Variants in PRAG1 observed in about 807,000 individuals in gnomAD.
PRAG1 encodes the protein inactive tyrosine-protein kinase PRAG1.
PRAG1 carries 110 observed loss-of-function variants against 95.6 expected under a neutral mutation model. The observed-to-expected ratio is 1.15, with a 90% CI of 0.99 to 1.35. PRAG1 has a LOEUF of 1.35. Ranked by LOEUF, PRAG1 falls within the 40% of genes most tolerant of loss-of-function variation. The pLI is 0.00. For synonymous variants in PRAG1, 1,052 were observed against 819.4 expected (o/e 1.28, Z -4.85); for missense variants, 2,554 against 1,864.7 (o/e 1.37, Z -6.81).
rs1022913227 is a variant in PRAG1, at chr8:8,364,667, GT to G, written c.2162+11579del. Among the ~76,000 whole-genome samples the G allele has an allele frequency of 5.4e-4, 76 of 142,014 alleles. 1 individual carries two copies. The Middle Eastern group carries it at 0.024, about 46-fold the overall frequency. 93.2% of individuals were successfully genotyped at this position (142,014 alleles called of 152,430 possible). On this transcript the variant is annotated intron_variant, in intron 3 of 5. Transcript: ENST00000615670. ...CACTATATGGCAGGATTTCAATGTT[GT>G]TTTTTTTTTTGTTTTCTCCATACAG...
chr8:8,320,171 T>C (rs962461428), intron 5 of PRAG1, among the ~76,000 whole-genome samples: 12 of 152,026 alleles, frequency 7.9e-5, no homozygotes, highest in African/African-American at 1.9e-4. Flanking sequence ...AGAAGGCAAA[T>C]AGTGTTTATA....
At chr8:8,382,738 G>A (rs1380068661) in intron 1 of PRAG1, among the ~76,000 whole-genome samples, 1 of 152,170 alleles carries the variant, frequency 6.6e-6, no homozygotes, top group African/African-American at 2.4e-5. Context: ...CTGAGAAGGA[G>A]CTCAAAGAGT....
At chr8:8,362,767 C>T (rs552747225) in intron 3 of PRAG1, among the ~76,000 whole-genome samples, 13 of 152,334 alleles carry the variant, frequency 8.5e-5, no homozygotes, top group African/African-American at 2.6e-4. Context: ...ATATTTATCC[C>T]TTACATGTAA....
intron 3 of PRAG1, among the ~76,000 whole-genome samples, chr8:8,370,964 C>T (rs995076495): frequency 1.3e-5 from 2 of 151,978 alleles, no homozygotes; most frequent in African/African-American, 4.8e-5. Flanking sequence ...CACGGTGAAA[C>T]CCCATCTCTA....
intron 3 of PRAG1, among the ~76,000 whole-genome samples, chr8:8,342,985 C>T (rs1799221473): frequency 6.6e-6 from 1 of 151,946 alleles, no homozygotes; most frequent in East Asian, 1.9e-4. Flanking sequence ...TTGGAGTGGC[C>T]AACTCACATC....
At chr8:8,360,764 G>T (rs1799819293) in intron 3 of PRAG1, among the ~76,000 whole-genome samples, 2 of 152,132 alleles carry the variant, frequency 1.3e-5, no homozygotes, top group East Asian at 3.9e-4. Flanking sequence ...TTTTCTTGTT[G>T]TATGTTAAAT....
chr8:8,325,906 T>C (rs1372442232), intron 5 of PRAG1, among the ~76,000 whole-genome samples: 1 of 151,552 alleles, frequency 6.6e-6, no homozygotes, highest in Admixed American at 6.6e-5. Context: ...AGCGAGACTC[T>C]GTCTCTAAAT....
Position 8,381,847 on chromosome 8 carries a change from G to A in PRAG1, c.-87-13C>T, listed in dbSNP as rs1349908608. 6.5e-6 allele frequency: 6 copies of A among 919,412 alleles called. No homozygotes were observed. The African/African-American group carries it at 8.4e-5, about 13-fold the overall frequency. The allele number at this position is 919,412 out of a possible 1,614,324, so 57.0% of individuals were successfully genotyped here. ...ACAGAGCGGCTTCCTAGAAAGGCAGGACAGTTTCCTGATTAGAGATTTGCC... is the reference window on the plus strand; with the variant it reads ...ACAGAGCGGCTTCCTAGAAAGGCAGAACAGTTTCCTGATTAGAGATTTGCC... On this transcript the variant is annotated splice_polypyrimidine_tract_variant and intron_variant, in intron 1 of 5. Transcript: ENST00000615670.
chr8:8,381,544 G>C lies in PRAG1; in HGVS notation c.204C>G (p.Arg68=). The C allele has an allele frequency of 6.2e-7, 1 of 1,614,224 alleles. No individual in the cohort carries two copies. Among genetic ancestry groups the C allele is most frequent in the Non-Finnish European group, 8.5e-7 (1 of 1,180,034 alleles). Residue 68 remains arginine, a synonymous_variant, in exon 2 of 6, where the codon CGC becomes CGG. Coordinates refer to ENST00000615670, the MANE Select transcript of PRAG1 (RefSeq NM_001080826.3). ...PRLPPRPENC[R]LEDEGVNSSP... ...AGCTGTTCACACCTTCATCTTCCAG[G>C]CGGCAGTTCTCAGGCCTGGGAGGCA...
intron 3 of PRAG1, among the ~76,000 whole-genome samples, chr8:8,365,418 G>A (rs968686207): frequency 6.6e-6 from 1 of 151,996 alleles, no homozygotes; most frequent in Admixed American, 6.6e-5. Flanking sequence ...GAGGTCAGGA[G>A]TTCGAGACCA....
chr8:8,361,073 C>G (rs1009869158), intron 3 of PRAG1, among the ~76,000 whole-genome samples: 1 of 152,172 alleles, frequency 6.6e-6, no homozygotes, highest in African/African-American at 2.4e-5. Context: ...TCAATTTGAT[C>G]TGACATCTCA....
rs1332453303 is a variant in PRAG1, at chr8:8,377,352, C to T, written c.1057G>A (p.Ala353Thr). The change falls in exon 3 of 6, where the codon GCC becomes ACC. Residue 353 changes from alanine (A) to threonine (T), a missense_variant. Coordinates refer to ENST00000615670, the MANE Select transcript of PRAG1 (RefSeq NM_001080826.3). ...CGSGSGSGSG[A>T]SSPFVPHLES... ...AGGTGGGGGACGAAGGGGCTACTGG[C>T]GCCGCTGCCGCTGCCGCTGCCGCTG... 8 of 1,581,594 alleles carry T rather than the reference C, an allele frequency of 5.1e-6. No homozygotes were observed. In the East Asian group the frequency reaches 1.3e-4, roughly 27 times the overall value.
At chr8:8,382,935 G>A (rs1445617717) in intron 1 of PRAG1, among the ~76,000 whole-genome samples, 2 of 152,170 alleles carry the variant, frequency 1.3e-5, no homozygotes, top group African/African-American at 4.8e-5. Flanking sequence ...TTTGCGCATT[G>A]CTCCTGGCTC....
In PRAG1 at chr8:8,376,628, T is replaced by C. The variant is rs755398509; in HGVS notation, c.1781A>G (p.Asp594Gly). The C allele has an allele frequency of 4.4e-6, 7 of 1,604,194 alleles. No homozygotes were observed. The African/African-American group carries it at 9.4e-5, about 21-fold the overall frequency. The stretch of plus-strand genomic sequence containing the variant: ...GTTGGTCCGGCAGGAAGGAGCGGGG[T>C]CAGCAGGACCTTGGGATGGAGGCTG... ...GPQPPSQGPA[D>G]PAPSCRTNGV... The change falls in exon 3 of 6, where the codon GAC (aspartate) becomes GGC (glycine). Residue 594 changes from aspartate to glycine, a missense_variant. By Grantham distance (94) the Asp-to-Gly change is moderately conservative. Transcript: ENST00000615670.
chr8:8,377,688 T>G lies in PRAG1; in HGVS notation c.721A>C (p.Arg241=), dbSNP rs757762322. Residue 241 remains arginine (R), a synonymous_variant, in exon 3 of 6, where the codon AGG becomes CGG. Transcript: ENST00000615670. ...TCGCTGTCCCCGGAGGGCGAGCACC[T>G]TTGATCACTGTCATCCTCCGAGGGC... ...SLPSEDDSDQ[R]CSPSGDSEGG... 9.3e-6 allele frequency: 15 copies of G among 1,613,616 alleles called. No individual in the cohort carries two copies. Among genetic ancestry groups the G allele is most frequent in the Non-Finnish European group, 1.3e-5 (15 of 1,179,868 alleles).
chr8:8,349,504 G>T (rs926602682), intron 3 of PRAG1, among the ~76,000 whole-genome samples: 3 of 152,024 alleles, frequency 2.0e-5, no homozygotes, highest in Admixed American at 2.0e-4. Context: ...GGATGGTCTC[G>T]ATCTCCTGAC....
At chr8:8,365,117 C>A (rs1351656433) in intron 3 of PRAG1, among the ~76,000 whole-genome samples, 1 of 152,178 alleles carries the variant, frequency 6.6e-6, no homozygotes, top group East Asian at 1.9e-4. Context: ...TTCAATCAAG[C>A]ATCTCTATAA....
intron 4 of PRAG1, among the ~76,000 whole-genome samples, chr8:8,338,405 G>A (rs936304749): frequency 5.3e-5 from 8 of 152,208 alleles, no homozygotes; most frequent in Non-Finnish European, 8.8e-5. Flanking sequence ...GTGGATCAGA[G>A]CTAACCAGCA....
At chr8:8,353,573 T>A (rs1325737680) in intron 3 of PRAG1, among the ~76,000 whole-genome samples, 1 of 152,136 alleles carries the variant, frequency 6.6e-6, no homozygotes, top group East Asian at 1.9e-4. Flanking sequence ...AGAGGAAATT[T>A]TATAGCAATA....
Sources: allele counts gnomAD v4.1 joint callset (sites outside exome capture counted in the v4.1 genomes callset), GRCh38; gene constraint gnomAD v4.1.1; transcripts MANE v1.5; gene names NCBI Gene and HGNC (gene_info 2026-07-23, HGNC 2026-07-21).